Variants in AGRN observed in about 807,000 individuals in gnomAD.
AGRN encodes the protein agrin.
Under a neutral mutation model 211.0 loss-of-function variants are expected in AGRN, and 106 were observed. The observed-to-expected ratio is 0.50, with a 90% CI of 0.43 to 0.59. The LOEUF is 0.59. AGRN is among the 20% of genes least tolerant of loss of function. AGRN has a pLI of 0.00. For synonymous variants in AGRN, 1,525 were observed against 1,332.5 expected (o/e 1.14, Z -3.15); for missense variants, 3,040 against 2,982.6 (o/e 1.02, Z -0.45).
In AGRN at chr1:1,043,842, G is replaced by C; in HGVS notation, c.1818G>C (p.Val606=). ...AGPCETCGDA[V]CAFGAVCSAG... ...CTGCAGAGACCTGTGGAGATGCCGT[G>C]TGTGCTTTTGGGGCTGTGTGCTCCG... The change falls in exon 10 of 36, where the codon GTG becomes GTC. Residue 606 remains valine, a synonymous_variant. Transcript: ENST00000379370. The C allele has an allele frequency of 1.9e-6, 3 of 1,611,400 alleles. No homozygotes were observed. Among genetic ancestry groups the C allele is most frequent in the South Asian group, 2.2e-5 (2 of 91,084 alleles).
chr1:1,041,042 C>CG, intron 4 of AGRN, 131 bp from the exon 5 acceptor site: 1 of 451,662 alleles, frequency 2.2e-6, no homozygotes, highest in South Asian at 9.8e-5. Flanking sequence ...GGGGCGGGAG[C>CG]GGGGGCGGGG....
chr1:1,053,344 G>C (rs1041758003), intron 33 of AGRN: 1 of 941,150 alleles, frequency 1.1e-6, no homozygotes, highest in African/African-American at 1.7e-5. Flanking sequence ...AGTGATCCTC[G>C]AGGTCACGCA....
chr1:1,034,141 G>A, intron 2 of AGRN: 1 of 985,236 alleles, frequency 1.0e-6, no homozygotes, highest in Non-Finnish European at 1.2e-6. Context: ...CTCTGCCGGG[G>A]ACGGGGACAG....
In AGRN at chr1:1,042,010, G is replaced by C; in HGVS notation, c.1232G>C (p.Arg411Pro). 6.2e-7 allele frequency: 1 copy of C among 1,611,310 alleles called. No individual in the cohort carries two copies. Residue 411 changes from arginine to proline, a missense_variant, in exon 7 of 36, where the codon CGT (arginine) becomes CCT (proline). Arg to Pro is a moderately radical substitution (Grantham distance 103). Around this residue, in one of 3 missense-constraint regions of AGRN, gnomAD observed 1,498 missense variants for 1,457.8 expected, o/e 1.03. Transcript: ENST00000379370. The stretch of plus-strand genomic sequence containing the variant: ...GCCGTGTGCCTGTCCCGCCGTGGCC[G>C]TCCCCGCTGCTCCTGCGACCGCGTC... ...FNAVCLSRRG[R>P]PRCSCDRVTC...
chr1:1,035,186 G>GGGGGGGGCCCCTTTC, intron 2 of AGRN, 91 bp from the exon 3 acceptor site: 1 of 1,147,364 alleles, frequency 8.7e-7, no homozygotes. Context: ...GGGGGGGTGG[G>GGGGGGGGCCCCTTTC]CAGGGGTGCC....
Position 1,022,479 on chromosome 1 carries a change from T to A in AGRN, c.463+17T>A. ...GTGTGGAAGGTGCGTGGTGGGGGGCTCGTGTGGGGGCCTGTGGGGGTCAGG... is the reference window on the plus strand; with the variant it reads ...GTGTGGAAGGTGCGTGGTGGGGGGCACGTGTGGGGGCCTGTGGGGGTCAGG... On this transcript the variant is annotated intron_variant, in intron 2 of 35. Coordinates refer to ENST00000379370, the MANE Select transcript of AGRN (RefSeq NM_198576.4). 6.3e-7 allele frequency: 1 copy of A among 1,594,798 alleles called. No homozygotes were observed. Among genetic ancestry groups the A allele is most frequent in the Non-Finnish European group, 8.6e-7 (1 of 1,167,624 alleles).
At chr1:1,044,696 C>T (rs1297641226) in intron 12 of AGRN, among the ~76,000 whole-genome samples, 1 of 152,200 alleles carries the variant, frequency 6.6e-6, no homozygotes, top group Non-Finnish European at 1.5e-5. Context: ...CGGGGCCCCA[C>T]CGTGTGGGCA....
intron 2 of AGRN, among the ~76,000 whole-genome samples, chr1:1,025,496 C>T (rs1289620292): frequency 6.6e-6 from 1 of 152,080 alleles, no homozygotes. Context: ...GCAGGAGGAC[C>T]TCCCATAGGG....
chr1:1,054,477 G>A lies in AGRN; in HGVS notation c.5906G>A (p.Gly1969Asp). 5 of 1,599,458 alleles carry A rather than the reference G, an allele frequency of 3.1e-6. No homozygotes were observed. Among genetic ancestry groups the A allele is most frequent in the Non-Finnish European group, 4.3e-6 (5 of 1,173,626 alleles). ...REQREGSLQV[G>D]NEAPVTGSSP... ...CAGAGGGAAGGTTCCCTGCAGGTGG[G>A]CAATGAGGCCCCTGTGACCGGCTCC... Residue 1969 changes from glycine (G) to aspartate (D), a missense_variant, in exon 35 of 36, where the codon GGC becomes GAC. This residue lies in a region of AGRN where 1,537 missense variants were observed against 1,505.0 expected (regional missense o/e 1.02). Transcript: ENST00000379370.
intron 2 of AGRN, among the ~76,000 whole-genome samples, chr1:1,024,634 C>T (rs1644479709): frequency 6.6e-6 from 1 of 152,152 alleles, no homozygotes; most frequent in Non-Finnish European, 1.5e-5. Flanking sequence ...TGCCCGGACA[C>T]CGCCTGAGGT....
chr1:1,020,462 G>T (rs1644371353), intron 1 of AGRN, 89 bp downstream of exon 1: 1 of 1,291,908 alleles, frequency 7.7e-7, no homozygotes, highest in South Asian at 1.5e-5. Context: ...AGCCCCGGTC[G>T]CTCCGCAGCC....
At chr1:1,049,877 TC>T (rs745498863) in intron 26 of AGRN, 25 bp from the exon 27 acceptor site, 4 of 1,611,522 alleles carry the variant, frequency 2.5e-6, no homozygotes, top group South Asian at 1.1e-5. Flanking sequence ...GGGACCTCGG[TC>T]CCGGTCCCGT....
At chr1:1,026,874 C>A (rs911962460) in intron 2 of AGRN, among the ~76,000 whole-genome samples, 1 of 152,238 alleles carries the variant, frequency 6.6e-6, no homozygotes, top group Non-Finnish European at 1.5e-5. Flanking sequence ...ACCCCTGCAC[C>A]TCCTGCCTGC....
At chr1:1,025,590 C>T (rs1468349990) in intron 2 of AGRN, among the ~76,000 whole-genome samples, 1 of 152,126 alleles carries the variant, frequency 6.6e-6, no homozygotes, top group African/African-American at 2.4e-5. Flanking sequence ...CTGCCCCCTC[C>T]TGACTCCAGG....
intron 12 of AGRN, among the ~76,000 whole-genome samples, chr1:1,044,723 C>T (rs1004369070): frequency 2.6e-5 from 4 of 152,182 alleles, no homozygotes; most frequent in Non-Finnish European, 4.4e-5. Context: ...CTGCATACGT[C>T]CATCCGGTCG....
chr1:1,047,461 CG>C lies in AGRN; in HGVS notation c.3516+12del. The C allele has an allele frequency of 3.7e-6, 6 of 1,612,656 alleles. 1 individual carries two copies. The highest frequency in any genetic ancestry group is 3.3e-5 in the South Asian group (3 of 91,088). On this transcript the variant is annotated splice_region_variant and intron_variant, in intron 20 of 35. Transcript: ENST00000379370. ...CAGGAGCATTGAGAGCACCGTAAGA[CG>C]GGGGCGCAGCCCCCACCTACCCACT...
intron 1 of AGRN, 120 bp downstream of exon 1, chr1:1,020,493 G>A: frequency 4.9e-6 from 5 of 1,029,586 alleles, no homozygotes; most frequent in Non-Finnish European, 6.5e-6. Context: ...CTCCCTTGGC[G>A]ACCGCCAAGC....
intron 33 of AGRN, 120 bp downstream of exon 33, chr1:1,051,935 G>T (rs558497382): frequency 9.0e-6 from 14 of 1,549,088 alleles, no homozygotes; most frequent in Non-Finnish European, 1.2e-5. Flanking sequence ...CTGTCCTCCC[G>T]CCTCTCTCTC....
In AGRN at chr1:1,020,177, C is replaced by T; in HGVS notation, c.5C>T (p.Ala2Val). ...CCGCCGCCTCTCGCCTGCGCCATGG[C>T]CGGCCGGTCCCACCCGGGCCCGCTG... is the stretch of plus-strand genomic sequence containing the variant. M[A>V]GRSHPGPLRP... Residue 2 changes from alanine (A) to valine (V), a missense_variant, in exon 1 of 36, where the codon GCC (alanine) becomes GTC (valine). Coordinates refer to ENST00000379370, the MANE Select transcript of AGRN (RefSeq NM_198576.4). 4 of 1,334,038 alleles carry T rather than the reference C, an allele frequency of 3.0e-6. No individual in the cohort carries two copies. The highest frequency in any genetic ancestry group is 1.9e-5 in the South Asian group (1 of 53,952). The allele number at this position is 1,334,038 out of a possible 1,614,324, so 82.6% of individuals were successfully genotyped here.
Sources: allele counts gnomAD v4.1 joint callset (sites outside exome capture counted in the v4.1 genomes callset), GRCh38; gene constraint gnomAD v4.1.1; regional missense constraint gnomAD v4.1.1; transcripts MANE v1.5; gene names NCBI Gene and HGNC (gene_info 2026-07-23, HGNC 2026-07-21).